RTN1: variants seen among roughly 807,000 people sequenced by gnomAD.
The protein encoded by RTN1 is reticulon-1.
In RTN1, 25 loss-of-function variants were observed where a neutral mutation model predicts 65.5. The ratio of observed to expected loss-of-function variants is 0.38; its 90% CI spans 0.28 to 0.53. The LOEUF is 0.53. RTN1 is among the 20% of genes least tolerant of loss of function. RTN1 has a pLI of 0.79. For missense variants in RTN1, 983 were observed against 1,025.4 expected (o/e 0.96, Z 0.57); for synonymous variants, 471 against 447.6 (o/e 1.05, Z -0.66).
At chr14:59,661,700 A>C (rs562019683) in intron 3 of RTN1, among the ~76,000 whole-genome samples, 1 of 152,130 alleles carries the variant, frequency 6.6e-6, no homozygotes, top group Non-Finnish European at 1.5e-5. Flanking sequence ...AAAATTCAAC[A>C]CCCCATTCAT....
At chr14:59,703,953 C>T (rs540294554) in intron 3 of RTN1, among the ~76,000 whole-genome samples, 136 of 152,240 alleles carry the variant, frequency 8.9e-4, no homozygotes, top group Non-Finnish European at 1.6e-3. Flanking sequence ...GTTTGAAGCT[C>T]CTGGAAAAAC....
At chr14:59,688,669 T>C (rs1268167598) in intron 3 of RTN1, among the ~76,000 whole-genome samples, 2 of 152,122 alleles carry the variant, frequency 1.3e-5, no homozygotes, top group East Asian at 1.9e-4. Context: ...AGATAAGACC[T>C]GTCAGCAGAA....
chr14:59,709,925 T>TA (rs1884379332), intron 3 of RTN1, among the ~76,000 whole-genome samples: 1 of 152,240 alleles, frequency 6.6e-6, no homozygotes. Flanking sequence ...TAGCTTCCCA[T>TA]AAAAAATAAC....
intron 1 of RTN1, among the ~76,000 whole-genome samples, chr14:59,750,065 T>A (rs888193262): frequency 4.4e-4 from 12 of 27,136 alleles, no homozygotes; most frequent in African/African-American, 1.9e-3. Context: ...TATACATATA[T>A]TATATATTAT....
intron 1 of RTN1, among the ~76,000 whole-genome samples, chr14:59,749,547 T>C (rs1412285912): frequency 6.0e-5 from 3 of 49,724 alleles, no homozygotes; most frequent in African/African-American, 1.6e-4. Context: ...CTATATATAT[T>C]TATATAGATA....
chr14:59,643,412 G>T (rs1882823789), intron 3 of RTN1, among the ~76,000 whole-genome samples: 1 of 152,156 alleles, frequency 6.6e-6, no homozygotes, highest in African/African-American at 2.4e-5. Flanking sequence ...TAGAGATGGG[G>T]TTTCACCATC....
intron 1 of RTN1, among the ~76,000 whole-genome samples, chr14:59,810,474 C>T (rs1280757030): frequency 6.6e-6 from 1 of 152,154 alleles, no homozygotes. Context: ...TGTCTTCTAC[C>T]AGCATCCATG....
intron 1 of RTN1, among the ~76,000 whole-genome samples, chr14:59,773,770 C>T (rs1410380877): frequency 6.6e-6 from 1 of 152,030 alleles, no homozygotes; most frequent in Non-Finnish European, 1.5e-5. Context: ...TTTTTTAAAG[C>T]TTACTGTCTT....
intron 1 of RTN1, among the ~76,000 whole-genome samples, chr14:59,859,510 A>C (rs1469015912): frequency 6.6e-6 from 1 of 152,234 alleles, no homozygotes. Context: ...AAGCTGACTA[A>C]TATAGTAAAT....
At chr14:59,839,989 T>G (rs962381138) in intron 1 of RTN1, among the ~76,000 whole-genome samples, 1 of 86,390 alleles carries the variant, frequency 1.2e-5, no homozygotes, top group Non-Finnish European at 2.5e-5. Context: ...ATCTTTTCCT[T>G]TTTTTTCCCT....
chr14:59,764,650 C>T (rs759130494), intron 1 of RTN1, among the ~76,000 whole-genome samples: 4 of 152,080 alleles, frequency 2.6e-5, no homozygotes, highest in Non-Finnish European at 4.4e-5. Flanking sequence ...CAAATAATCA[C>T]TATAACATTT....
At chr14:59,839,897 C>A (rs1464969112) in intron 1 of RTN1, among the ~76,000 whole-genome samples, 1 of 151,814 alleles carries the variant, frequency 6.6e-6, no homozygotes, top group Non-Finnish European at 1.5e-5. Context: ...TAAATTGGTT[C>A]TTTTCTCTCA....
intron 2 of RTN1, among the ~76,000 whole-genome samples, chr14:59,739,522 C>A (rs1379608563): frequency 7.3e-6 from 1 of 137,612 alleles, no homozygotes; most frequent in Non-Finnish European, 1.5e-5. Context: ...GCCTGGGCAA[C>A]AGAGCGAGAC....
At chr14:59,630,411 G>T (rs1343119276) in intron 3 of RTN1, 1 of 1,612,344 alleles carries the variant, frequency 6.2e-7, no homozygotes, top group South Asian at 1.1e-5. Context: ...TTTCCCGTGC[G>T]CCTCAGGCAT....
At position 59,727,720 on chromosome 14, in the gene RTN1, CAGAT is replaced by C. The variant is rs1884811209; in HGVS notation, c.1016-56_1016-53del. 1 of 1,516,110 alleles carries C rather than the reference CAGAT, an allele frequency of 6.6e-7. No individual in the cohort carries two copies. The highest frequency in any genetic ancestry group is 8.8e-7 in the Non-Finnish European group (1 of 1,134,474). The allele number at this position is 1,516,110 out of a possible 1,614,324, so 93.9% of individuals were successfully genotyped here. A position where few individuals can be genotyped will look rare whatever the true frequency, so the allele number is the denominator to read the frequency against. On this transcript the variant is annotated intron_variant, in intron 2 of 8. Transcript: ENST00000267484. The surrounding 1 kb of genome is among the most constrained non-coding windows in gnomAD (Gnocchi z 4.2). ...CCACGGAGGCACACACACGGACAGA[CAGAT>C]GGACAGAGAGAGGAGGGATAAAACA... is the stretch of plus-strand genomic sequence containing the variant.
chr14:59,822,996 T>G (rs1886969453), intron 1 of RTN1, among the ~76,000 whole-genome samples: 4 of 152,246 alleles, frequency 2.6e-5, no homozygotes, highest in African/African-American at 9.6e-5. Flanking sequence ...GGGTGGAGTA[T>G]TCTGTAGATG....
chr14:59,643,003 G>A (rs1882811795), intron 3 of RTN1, among the ~76,000 whole-genome samples: 1 of 152,200 alleles, frequency 6.6e-6, no homozygotes, highest in Non-Finnish European at 1.5e-5. Context: ...GAGTTATGGT[G>A]GGTTGCAGTT....
chr14:59,607,302 G>C lies in RTN1; in HGVS notation c.1956C>G (p.Asp652Glu). The C allele has an allele frequency of 6.2e-7, 1 of 1,613,972 alleles. No individual in the cohort carries two copies. Among genetic ancestry groups the C allele is most frequent in the South Asian group, 1.1e-5 (1 of 91,016 alleles). The change falls in exon 4 of 9, where the codon GAC becomes GAG. Residue 652 changes from aspartate to glutamate, a missense_variant. Coordinates refer to ENST00000267484, the MANE Select transcript of RTN1 (RefSeq NM_021136.3). ...KSVLQAVQKTDEGHPFKAYLE... is the reference protein window; with the variant it reads ...KSVLQAVQKTEEGHPFKAYLE... ...GCACTCACTTGAAAGGGTGGCCTTCGTCGGTTTTCTGCACTGCTTGTAAAA... is the reference window on the plus strand; with the variant it reads ...GCACTCACTTGAAAGGGTGGCCTTCCTCGGTTTTCTGCACTGCTTGTAAAA...
At chr14:59,630,185 G>T (rs1056663093) in intron 3 of RTN1, among the ~76,000 whole-genome samples, 1 of 123,450 alleles carries the variant, frequency 8.1e-6, no homozygotes, top group African/African-American at 3.0e-5. Context: ...CGGAGGAGGC[G>T]ATTGATGCAT....
Sources: gnomAD v4.1 joint callset for allele counts (sites outside exome capture counted in the v4.1 genomes callset) on GRCh38, gnomAD v4.1.1 for gene constraint, Gnocchi (gnomAD v3.1) non-coding constraint, MANE v1.5 for transcripts, NCBI Gene and HGNC (gene_info 2026-07-23, HGNC 2026-07-21) for gene names.